NLGN4Y: variants seen among roughly 807,000 people sequenced by gnomAD.
NLGN4Y encodes the protein neuroligin 4 Y-linked.
A neutral mutation model predicts 8.4 loss-of-function variants in NLGN4Y; 4 were observed. That is an observed-to-expected ratio of 0.48 (90% CI 0.23 to 1.09). NLGN4Y has a LOEUF of 1.09. NLGN4Y is among the 50% of genes least tolerant of loss of function. The pLI is 0.19. For missense variants in NLGN4Y, 90 were observed against 192.3 expected, an observed-to-expected ratio of 0.47 and a Z score of 3.15; for synonymous variants, 35 against 75.6, an observed-to-expected ratio of 0.46 and a Z score of 2.78.
At chrY:14,661,423 G>A in intron 2 of NLGN4Y, among the ~76,000 whole-genome samples, 1 of 32,439 alleles carries the variant, frequency 3.1e-5, no homozygotes, top group Non-Finnish European at 7.5e-5. Flanking sequence ...TACCCTAGAA[G>A]CCCATATGTA....
At chrY:14,685,023 T>C (rs2080784429) in intron 2 of NLGN4Y, among the ~76,000 whole-genome samples, 1 of 33,596 alleles carries the variant, frequency 3.0e-5, no homozygotes, top group African/African-American at 1.2e-4. Flanking sequence ...TGGTCTGGTG[T>C]ATCTCTGTTA....
At chrY:14,807,398 A>T (rs2043061582) in intron 4 of NLGN4Y, among the ~76,000 whole-genome samples, 1 of 32,366 alleles carries the variant, frequency 3.1e-5, no homozygotes, top group Non-Finnish European at 7.5e-5. Context: ...ATAATATTGT[A>T]AAAGTCTTTT....
At chrY:14,652,361 A>G in intron 2 of NLGN4Y, among the ~76,000 whole-genome samples, 2 of 32,892 alleles carry the variant, frequency 6.1e-5, no homozygotes, top group African/African-American at 2.3e-4. Context: ...TGTGTGGGAG[A>G]TTTTTAGTTA....
intron 1 of NLGN4Y, among the ~76,000 whole-genome samples, chrY:14,580,898 A>G (rs2080317288): frequency 3.6e-5 from 1 of 27,804 alleles, no homozygotes; most frequent in Non-Finnish European, 8.4e-5. Context: ...AAAAAAAAAA[A>G]AAAAAAGAAA....
chrY:14,600,522 T>A, intron 1 of NLGN4Y, among the ~76,000 whole-genome samples: 1 of 32,201 alleles, frequency 3.1e-5, no homozygotes, highest in South Asian at 6.7e-4. Flanking sequence ...TACTTTATAA[T>A]TTGATATATA....
At chrY:14,817,133 C>T (rs953422053) in intron 4 of NLGN4Y, among the ~76,000 whole-genome samples, 8 of 33,421 alleles carry the variant, frequency 2.4e-4, no homozygotes, top group Non-Finnish European at 4.4e-4. Flanking sequence ...ACACTTAGTG[C>T]GTCTGAATAA....
intron 2 of NLGN4Y, among the ~76,000 whole-genome samples, chrY:14,634,633 C>T (rs1603501769): frequency 5.9e-5 from 2 of 33,808 alleles, no homozygotes; most frequent in East Asian, 1.6e-3. Context: ...ATTTTACATA[C>T]CTGATGATGA....
intron 4 of NLGN4Y, among the ~76,000 whole-genome samples, chrY:14,726,435 CT>C (rs2080955700): frequency 1.5e-4 from 5 of 33,043 alleles, no homozygotes; most frequent in Non-Finnish European, 3.0e-4. Flanking sequence ...AAATTTCTTT[CT>C]TTTTTTATTA....
intron 1 of NLGN4Y, among the ~76,000 whole-genome samples, chrY:14,584,079 G>T: frequency 3.0e-5 from 1 of 33,582 alleles, no homozygotes; most frequent in Non-Finnish European, 7.3e-5. Flanking sequence ...ACCTGGGAGG[G>T]TATGGCAACA....
At chrY:14,695,983 C>T in intron 2 of NLGN4Y, among the ~76,000 whole-genome samples, 7 of 32,589 alleles carry the variant, frequency 2.1e-4, no homozygotes, top group African/African-American at 8.4e-4. Context: ...GAGCTGATTT[C>T]AGCTCATAGA....
At chrY:14,768,931 T>C (rs2081099570) in intron 4 of NLGN4Y, among the ~76,000 whole-genome samples, 1 of 33,524 alleles carries the variant, frequency 3.0e-5, no homozygotes, top group Admixed American at 2.7e-4. Flanking sequence ...TATGACTTTT[T>C]TTGTGGAAAT....
intron 1 of NLGN4Y, among the ~76,000 whole-genome samples, chrY:14,547,377 G>T (rs2080176568): frequency 2.9e-5 from 1 of 33,915 alleles, no homozygotes; most frequent in Non-Finnish European, 7.3e-5. Flanking sequence ...GATCTTGGAG[G>T]TGACACCTTG....
At chrY:14,809,489 A>G in intron 4 of NLGN4Y, among the ~76,000 whole-genome samples, 2 of 33,196 alleles carry the variant, frequency 6.0e-5, no homozygotes, top group Admixed American at 2.8e-4. Flanking sequence ...AACAAAAAAC[A>G]AAACAAAACA....
intron 2 of NLGN4Y, among the ~76,000 whole-genome samples, chrY:14,706,043 T>G (rs9786216): frequency 0.15 from 5,083 of 33,065 alleles, no homozygotes; most frequent in African/African-American, 0.59. Context: ...CAAATGTTCA[T>G]GCAACACAGA....
chrY:14,666,728 G>A (rs2080692911), intron 2 of NLGN4Y, among the ~76,000 whole-genome samples: 1 of 33,037 alleles, frequency 3.0e-5, no homozygotes, highest in Non-Finnish European at 7.5e-5. Flanking sequence ...GGGTCATGGT[G>A]TATTTTCTTG....
chrY:14,739,769 TTATTATTAC>T (rs2081001468), intron 4 of NLGN4Y, among the ~76,000 whole-genome samples: 2 of 32,150 alleles, frequency 6.2e-5, no homozygotes, highest in African/African-American at 1.2e-4. Context: ...ATTATTATTA[TTATTATTAC>T]TATTATTTAT....
intron 6 of NLGN4Y, among the ~76,000 whole-genome samples, chrY:14,835,607 AAAG>A (rs2043195414): frequency 3.6e-5 from 1 of 28,078 alleles, no homozygotes; most frequent in Non-Finnish European, 8.6e-5. Context: ...GAGGAGGAAG[AAAG>A]AAGAGAGGAA....
chrY:14,524,760 A>T, intron 1 of NLGN4Y, 52 bp downstream of exon 1: 1 of 121,486 alleles, frequency 8.2e-6, no homozygotes, highest in Non-Finnish European at 1.8e-5. Flanking sequence ...TTGCTGTGGG[A>T]CAAGAGGTTC....
chrY:14,613,415 A>AGTTT (rs2080476211), intron 1 of NLGN4Y, among the ~76,000 whole-genome samples: 3 of 33,207 alleles, frequency 9.0e-5, no homozygotes, highest in East Asian at 7.9e-4. Context: ...ATGGCTGCCC[A>AGTTT]GTTTGTTTGT....
Sources: allele counts gnomAD v4.1 joint callset (sites outside exome capture counted in the v4.1 genomes callset), GRCh38; gene constraint gnomAD v4.1.1; transcripts MANE v1.5; gene names NCBI Gene and HGNC (gene_info 2026-07-23, HGNC 2026-07-21).